ZNF98: variants seen among roughly 807,000 people sequenced by gnomAD.
The protein encoded by ZNF98 is zinc finger protein 98, also known as zinc finger protein 739.
ZNF98 carries 8 observed loss-of-function variants against 12.8 expected under a neutral mutation model. The ratio of observed to expected loss-of-function variants is 0.63; its 90% CI spans 0.37 to 1.13. ZNF98 has a LOEUF of 1.13. Among genes scored for constraint, ZNF98 ranks in the 50% most tolerant of loss-of-function variants. The probability of loss-of-function intolerance (pLI) is 0.01; values close to 1 mark genes in which losing one functional copy is unlikely to be tolerated. For missense variants in ZNF98, 379 were observed against 666.1 expected (o/e 0.57, Z 4.74); for synonymous variants, 112 against 223.5 (o/e 0.50, Z 4.45).
chr19:22,407,538 A>G (rs12976630), intron 1 of ZNF98, among the ~76,000 whole-genome samples: 134,810 of 150,502 alleles, frequency 0.9, 60,621 homozygotes, highest in African/African-American at 0.96. Context: ...ATGGTGAAAC[A>G]CTATCTCTAC....
chr19:22,395,475 C>T (rs771525165), intron 3 of ZNF98, among the ~76,000 whole-genome samples: 3 of 151,842 alleles, frequency 2.0e-5, no homozygotes, highest in Non-Finnish European at 2.9e-5. Flanking sequence ...AAGATGTACA[C>T]GTTTTAAACA....
At chr19:22,410,137 C>T (rs1396035198) in intron 1 of ZNF98, among the ~76,000 whole-genome samples, 2 of 152,100 alleles carry the variant, frequency 1.3e-5, no homozygotes, top group Non-Finnish European at 2.9e-5. Context: ...AACAGAAACA[C>T]TTTTACACTG....
rs10418599 is a variant in ZNF98 at position 22,391,476 on chromosome 19, G to C, written c.*40C>G. ...TGAATTACCTTACCTACAATCCAGT[G>C]TGATAACCATTTAAAGGCTTTGTCA... On this transcript the variant is annotated 3_prime_UTR_variant, in exon 4 of 4. Coordinates refer to ENST00000357774, the MANE Select transcript of ZNF98 (RefSeq NM_001098626.2). The C allele has an allele frequency of 9.5e-4, 1,440 of 1,511,546 alleles. 8 individuals are homozygous for C. The African/African-American group carries it at 0.018, about 19-fold the overall frequency. 93.6% of individuals were successfully genotyped at this position (1,511,546 alleles called of 1,614,324 possible).
At chr19:22,401,835 A>G (rs1969460898) in intron 3 of ZNF98, among the ~76,000 whole-genome samples, 1 of 151,948 alleles carries the variant, frequency 6.6e-6, no homozygotes, top group African/African-American at 2.4e-5. Context: ...TCTAGATTCA[A>G]TAAATTCCCT....
rs1328739701 is a variant in ZNF98 at position 22,403,437 on chromosome 19, T to C, written c.106A>G (p.Asn36Asp). The change falls in exon 2 of 4, where the codon AAT (asparagine) becomes GAT (aspartate). Residue 36 changes from asparagine (N) to aspartate (D), a missense_variant. This residue lies in a region of ZNF98 where 223 missense variants were observed against 261.6 expected (regional missense o/e 0.85). Transcript: ENST00000357774. ...TCTAACATCACATTCCTATATAAAT[T>C]CTGCTGTGCGGTGTCCAGGCATTGC... ...EWQCLDTAQQ[N>D]LYRNVMLENY... The C allele has an allele frequency of 6.2e-7, 1 of 1,609,038 alleles. No homozygotes were observed. The highest frequency in any genetic ancestry group is 8.5e-7 in the Non-Finnish European group (1 of 1,178,672).
Position 22,403,446 on chromosome 19 carries a change from C to A in ZNF98, c.97G>T (p.Ala33Ser). 1 of 1,609,680 alleles carries A rather than the reference C, an allele frequency of 6.2e-7. No homozygotes were observed. The highest frequency in any genetic ancestry group is 1.3e-5 in the African/African-American group (1 of 74,654). ...SLEEWQCLDT[A>S]QQNLYRNVML... ...ACATTCCTATATAAATTCTGCTGTGCGGTGTCCAGGCATTGCCACTCCTCC... is the reference window on the plus strand; with the variant it reads ...ACATTCCTATATAAATTCTGCTGTGAGGTGTCCAGGCATTGCCACTCCTCC... The change falls in exon 2 of 4, where the codon GCA (alanine) becomes TCA (serine). Residue 33 changes from alanine to serine, a missense_variant. Ala to Ser is a moderately conservative substitution (Grantham distance 99). Around this residue, in one of 8 missense-constraint regions of ZNF98, gnomAD observed 223 missense variants for 261.6 expected, o/e 0.85. Coordinates refer to ENST00000357774, the MANE Select transcript of ZNF98 (RefSeq NM_001098626.2).
At chr19:22,418,536 T>C (rs1196227634) in intron 1 of ZNF98, among the ~76,000 whole-genome samples, 3 of 152,170 alleles carry the variant, frequency 2.0e-5, no homozygotes, top group Non-Finnish European at 2.9e-5. Flanking sequence ...TTCTTACCTA[T>C]CACATAGCCA....
At chr19:22,418,522 T>C (rs1969669591) in intron 1 of ZNF98, among the ~76,000 whole-genome samples, 1 of 152,214 alleles carries the variant, frequency 6.6e-6, no homozygotes, top group Non-Finnish European at 1.5e-5. Context: ...GTTGGTGCTC[T>C]TTTTTCTTAC....
intron 1 of ZNF98, among the ~76,000 whole-genome samples, chr19:22,410,014 A>G (rs1171548527): frequency 1.3e-5 from 2 of 152,042 alleles, no homozygotes; most frequent in Non-Finnish European, 2.9e-5. Flanking sequence ...GCTCAATACC[A>G]CTGATCATTA....
rs34178692 is a variant in ZNF98 at position 22,411,107 on chromosome 19, A to T, written c.31-7595T>A. ...GCCCAGGCTAGAGTGCAGTGGCGAG[A>T]TCTGCACTTACTGCAACCTCTGCCT... On this transcript the variant is annotated intron_variant, in intron 1 of 3. Transcript: ENST00000357774. Among the ~76,000 whole-genome samples, 792 of 152,212 alleles carry T rather than the reference A, an allele frequency of 5.2e-3. 3 individuals are homozygous for T. Among genetic ancestry groups the T allele is most frequent in the Non-Finnish European group, 8.2e-3 (561 of 68,016 alleles).
At chr19:22,408,070 A>G (rs936621917) in intron 1 of ZNF98, among the ~76,000 whole-genome samples, 3 of 152,192 alleles carry the variant, frequency 2.0e-5, no homozygotes, top group African/African-American at 7.2e-5. Flanking sequence ...GTCTCAAAAC[A>G]AAACAAAACA....
At chr19:22,415,815 C>A (rs1362011322) in intron 1 of ZNF98, among the ~76,000 whole-genome samples, 1 of 151,514 alleles carries the variant, frequency 6.6e-6, no homozygotes, top group African/African-American at 2.4e-5. Context: ...AAGGCTTAGG[C>A]CAGGCACAGT....
At chr19:22,415,761 G>C (rs1327910840) in intron 1 of ZNF98, among the ~76,000 whole-genome samples, 2 of 151,644 alleles carry the variant, frequency 1.3e-5, no homozygotes. Flanking sequence ...ACTCCAGTCT[G>C]GACAACATAG....
intron 1 of ZNF98, among the ~76,000 whole-genome samples, chr19:22,413,986 C>T (rs1055186606): frequency 6.6e-6 from 1 of 150,976 alleles, no homozygotes; most frequent in African/African-American, 2.4e-5. Context: ...ACCCATAATC[C>T]CAACACTTTG....
chr19:22,405,768 G>A (rs1021270982), intron 1 of ZNF98, among the ~76,000 whole-genome samples: 2 of 152,234 alleles, frequency 1.3e-5, no homozygotes, highest in East Asian at 1.9e-4. Flanking sequence ...TGAGCTCCCC[G>A]GGGAGGGGCA....
intron 3 of ZNF98, among the ~76,000 whole-genome samples, chr19:22,396,244 T>C (rs991743007): frequency 1.3e-5 from 2 of 152,114 alleles, no homozygotes; most frequent in African/African-American, 2.4e-5. Flanking sequence ...ATTAGCAACA[T>C]CAAAGACAAA....
intron 1 of ZNF98, among the ~76,000 whole-genome samples, chr19:22,406,218 A>G (rs534610037): frequency 6.6e-6 from 1 of 152,036 alleles, no homozygotes; most frequent in South Asian, 2.1e-4. Flanking sequence ...GAGTGTTCCT[A>G]CTGGCATCAG....
chr19:22,419,546 T>G (rs1299973067), intron 1 of ZNF98, among the ~76,000 whole-genome samples: 1 of 152,202 alleles, frequency 6.6e-6, no homozygotes, highest in African/African-American at 2.4e-5. Context: ...AGTTACTAAC[T>G]TGGTTTTCAA....
At chr19:22,395,197 A>G (rs1194630318) in intron 3 of ZNF98, among the ~76,000 whole-genome samples, 2 of 150,680 alleles carry the variant, frequency 1.3e-5, no homozygotes, top group Non-Finnish European at 3.0e-5. Flanking sequence ...AAAAAAAAAA[A>G]GAAAAGAAAC....
Sources: gnomAD v4.1 joint callset for allele counts (sites outside exome capture counted in the v4.1 genomes callset) on GRCh38, gnomAD v4.1.1 for gene constraint, gnomAD v4.1.1 regional missense constraint, MANE v1.5 for transcripts, NCBI Gene and HGNC (gene_info 2026-07-23, HGNC 2026-07-21) for gene names.